Variants in AFF3 observed in about 807,000 individuals in gnomAD.
AFF3 encodes the protein AF4/FMR2 family member 3.
AFF3 carries 32 observed loss-of-function variants against 129.7 expected under a neutral mutation model. The observed-to-expected ratio is 0.25, with a 90% CI of 0.19 to 0.33. The LOEUF (loss-of-function observed/expected upper bound fraction) is 0.33. Ranked by LOEUF, AFF3 falls within the 10% of genes least tolerant of loss-of-function variation. The pLI is 1.00. For missense variants in AFF3, 1,373 were observed against 1,592.0 expected, an observed-to-expected ratio of 0.86 and a Z score of 2.34; for synonymous variants, 644 against 635.4, an observed-to-expected ratio of 1.01 and a Z score of -0.20.
At chr2:99,675,915 C>T (rs565348464) in intron 11 of AFF3, among the ~76,000 whole-genome samples, 2 of 150,952 alleles carry the variant, frequency 1.3e-5, no homozygotes, top group Non-Finnish European at 2.9e-5. Flanking sequence ...AGTGTTCAAC[C>T]AAGAGTAAAA....
chr2:99,742,934 A>T (rs901882905), intron 10 of AFF3, among the ~76,000 whole-genome samples: 6 of 152,208 alleles, frequency 3.9e-5, no homozygotes, highest in Non-Finnish European at 8.8e-5. Context: ...CTTTACCCTG[A>T]ACATTTAAAT....
At chr2:99,658,734 C>A (rs1685977111) in intron 12 of AFF3, among the ~76,000 whole-genome samples, 1 of 152,178 alleles carries the variant, frequency 6.6e-6, no homozygotes, top group South Asian at 2.1e-4. Context: ...CCAGTGAGGG[C>A]TCCACAGAGC....
At chr2:99,843,158 A>G (rs983304499) in intron 7 of AFF3, among the ~76,000 whole-genome samples, 1 of 152,232 alleles carries the variant, frequency 6.6e-6, no homozygotes. Flanking sequence ...CATTGGTGAG[A>G]ATCTGAGCTC....
At chr2:99,671,723 A>G (rs549350624) in intron 12 of AFF3, among the ~76,000 whole-genome samples, 1 of 152,292 alleles carries the variant, frequency 6.6e-6, no homozygotes, top group South Asian at 2.1e-4. Context: ...TTGTCTTTCT[A>G]CCCATCACAT....
At chr2:99,601,642 C>G (rs1679851604) in intron 13 of AFF3, 21 bp from the exon 14 acceptor site, 3 of 1,582,580 alleles carry the variant, frequency 1.9e-6, no homozygotes, top group African/African-American at 1.3e-5. Context: ...GCGAGGCCCC[C>G]GGGAAGCAGA....
intron 11 of AFF3, among the ~76,000 whole-genome samples, chr2:99,673,850 C>T (rs1041643435): frequency 1.3e-5 from 2 of 152,196 alleles, no homozygotes; most frequent in African/African-American, 4.8e-5. Flanking sequence ...AGGCTCTGCC[C>T]CACCTGTCTA....
chr2:99,726,849 T>G (rs968221311), intron 11 of AFF3, among the ~76,000 whole-genome samples: 1 of 152,226 alleles, frequency 6.6e-6, no homozygotes, highest in African/African-American at 2.4e-5. Context: ...TCATTACATT[T>G]CTACTTCATA....
At chr2:99,639,962 C>T (rs561295019) in intron 13 of AFF3, among the ~76,000 whole-genome samples, 1 of 151,968 alleles carries the variant, frequency 6.6e-6, no homozygotes, top group African/African-American at 2.4e-5. Context: ...GGATTACAGG[C>T]GTTAGCCACT....
chr2:99,777,947 C>CAAAAAAAAAAAAAAAAAAAAA (rs576434643), intron 8 of AFF3, among the ~76,000 whole-genome samples: 4 of 48,344 alleles, frequency 8.3e-5, no homozygotes, highest in Non-Finnish European at 1.1e-4. Flanking sequence ...AAAGCAAAAG[C>CAAAAAAAAAAAAAAAAAAAAA]AAAAAAAAAA....
chr2:100,063,386 T>C (rs1267529433), intron 4 of AFF3, among the ~76,000 whole-genome samples: 1 of 152,062 alleles, frequency 6.6e-6, no homozygotes, highest in African/African-American at 2.4e-5. Context: ...ATAGCGAAGA[T>C]GGTGAATTTT....
chr2:99,594,853 G>A (rs1157474722), intron 14 of AFF3, among the ~76,000 whole-genome samples: 2 of 152,188 alleles, frequency 1.3e-5, no homozygotes, highest in Non-Finnish European at 2.9e-5. Context: ...TTTGCATATA[G>A]AACTATTTCA....
chr2:99,770,038 C>T (rs138772948), intron 8 of AFF3, among the ~76,000 whole-genome samples: 79 of 152,336 alleles, frequency 5.2e-4, no homozygotes, highest in African/African-American at 1.7e-3. Flanking sequence ...GATCGGCAGA[C>T]GGTGAAGCCA....
At chr2:99,904,502 G>A (rs142191922) in intron 7 of AFF3, among the ~76,000 whole-genome samples, 2 of 151,876 alleles carry the variant, frequency 1.3e-5, no homozygotes, top group African/African-American at 4.8e-5. Flanking sequence ...TTTCCTCTCA[G>A]TATCTTGTGA....
At chr2:99,592,764 T>C (rs1348259000) in intron 15 of AFF3, among the ~76,000 whole-genome samples, 1 of 152,044 alleles carries the variant, frequency 6.6e-6, no homozygotes, top group Non-Finnish European at 1.5e-5. Flanking sequence ...TGAAACCCTG[T>C]CTTTACTAAA....
At chr2:99,819,277 AG>A (rs1687469816) in intron 8 of AFF3, among the ~76,000 whole-genome samples, 1 of 152,278 alleles carries the variant, frequency 6.6e-6, no homozygotes. Flanking sequence ...TAGATTCTTC[AG>A]GGAAGTCTGC....
chr2:100,139,455 G>A (rs1692774200), intron 1 of AFF3, among the ~76,000 whole-genome samples: 1 of 152,166 alleles, frequency 6.6e-6, no homozygotes, highest in Admixed American at 6.5e-5. Flanking sequence ...CTATAGGGGA[G>A]GAACAGCAAT....
At chr2:100,073,534 A>G (rs1334776598) in intron 4 of AFF3, among the ~76,000 whole-genome samples, 2 of 152,196 alleles carry the variant, frequency 1.3e-5, no homozygotes, top group Non-Finnish European at 2.9e-5. Context: ...GGGACTTTAT[A>G]GGGCAGCTTC....
chr2:99,965,638 A>G (rs1677669552), intron 7 of AFF3, among the ~76,000 whole-genome samples: 1 of 152,220 alleles, frequency 6.6e-6, no homozygotes, highest in South Asian at 2.1e-4. Context: ...GAATAAATTG[A>G]CATTCTGGTT....
In AFF3 at chr2:99,549,992, A is replaced by T. The variant is rs13427251; in HGVS notation, c.*1482T>A. On this transcript the variant is annotated 3_prime_UTR_variant, in exon 25 of 25. Transcript: ENST00000672756. ...GTGCAACTTTATCAAGTAAGAGGCC[A>T]CAAGGACATTATTTTTGTTTTTAAC... is the stretch of plus-strand genomic sequence containing the variant. The T allele has an allele frequency of 0.45, 102,796 of 226,914 alleles. 25,542 individuals carry two copies. Among genetic ancestry groups the T allele is most frequent in the African/African-American group, 0.62 (27,961 of 44,984 alleles). 14.1% of individuals were successfully genotyped at this position (226,914 alleles called of 1,614,324 possible). A position where few individuals can be genotyped will look rare whatever the true frequency, so the allele number is the denominator to read the frequency against.
Sources: allele counts gnomAD v4.1 joint callset (sites outside exome capture counted in the v4.1 genomes callset), GRCh38; gene constraint gnomAD v4.1.1; transcripts MANE v1.5; gene names NCBI Gene and HGNC (gene_info 2026-07-23, HGNC 2026-07-21).